Variants in CAMK4 observed in about 807,000 individuals in gnomAD.
CAMK4 encodes the protein calcium/calmodulin dependent protein kinase IV, also known as calcium/calmodulin-dependent protein kinase type IV.
A neutral mutation model predicts 44.9 loss-of-function variants in CAMK4; 22 were observed. The observed-to-expected ratio is 0.49, with a 90% CI of 0.35 to 0.70. The LOEUF is 0.70. CAMK4 is among the 30% of genes least tolerant of loss of function. CAMK4 has a pLI of 0.01. For synonymous variants in CAMK4, 218 were observed against 215.4 expected (o/e 1.01, Z -0.11); for missense variants, 498 against 586.8 (o/e 0.85, Z 1.56).
At chr5:111,243,524 GGT>G (rs1289771618) in intron 1 of CAMK4, among the ~76,000 whole-genome samples, 5 of 152,108 alleles carry the variant, frequency 3.3e-5, no homozygotes, top group Non-Finnish European at 7.3e-5. Flanking sequence ...TGTCACACAG[GGT>G]AGACTAAAAA....
chr5:111,432,964 A>G (rs181484540), intron 5 of CAMK4, among the ~76,000 whole-genome samples: 27 of 152,190 alleles, frequency 1.8e-4, no homozygotes, highest in African/African-American at 5.8e-4. Context: ...TTGATAGGCA[A>G]GCACACAAAT....
chr5:111,273,795 G>A lies in CAMK4; in HGVS notation c.161+49151G>A, dbSNP rs573669453. Among the ~76,000 whole-genome samples, 476 of 133,890 alleles carry A rather than the reference G, an allele frequency of 3.6e-3. 5 individuals are homozygous for A. Among genetic ancestry groups the A allele is most frequent in the African/African-American group, 0.012 (438 of 36,298 alleles). The allele number at this position is 133,890 out of a possible 152,430, so 87.8% of individuals were successfully genotyped here. On this transcript the variant is annotated intron_variant, in intron 1 of 10. Coordinates refer to ENST00000282356, the MANE Select transcript of CAMK4 (RefSeq NM_001744.6). The stretch of plus-strand genomic sequence containing the variant: ...TATATACACACACATACATATATAT[G>A]TATACACATAGAACATTTTATGTTT...
intron 2 of CAMK4, among the ~76,000 whole-genome samples, chr5:111,368,928 A>T (rs1750898722): frequency 6.6e-6 from 1 of 151,656 alleles, no homozygotes; most frequent in South Asian, 2.1e-4. Context: ...CATTTAAATT[A>T]TTTTTACTAG....
At chr5:111,462,576 G>A (rs1754681526) in intron 7 of CAMK4, among the ~76,000 whole-genome samples, 1 of 152,186 alleles carries the variant, frequency 6.6e-6, no homozygotes, top group Non-Finnish European at 1.5e-5. Flanking sequence ...CTAATAGTGT[G>A]AAAGCTCTTC....
At chr5:111,396,966 G>A (rs1275880614) in intron 5 of CAMK4, among the ~76,000 whole-genome samples, 1 of 152,054 alleles carries the variant, frequency 6.6e-6, no homozygotes, top group Non-Finnish European at 1.5e-5. Context: ...AAATATATAA[G>A]TCTAGAATCA....
chr5:111,362,859 A>C (rs1403779141), intron 2 of CAMK4, among the ~76,000 whole-genome samples: 1 of 152,102 alleles, frequency 6.6e-6, no homozygotes. Context: ...TTTTCTGCTT[A>C]CCAAGGATAT....
Position 111,396,631 on chromosome 5 carries a change from C to CTTTTTTTTTTTTTTTTTTTTTTTTTTTT in CAMK4, c.459+1876_459+1877insTTTTTTTTTTTTTTTTTTTTTTTTTTTT, listed in dbSNP as rs540495109. ...ACTTTAATTGCCATTAACTCATATT[C>CTTTTTTTTTTTTTTTTTTTTTTTTTTTT]TTTTTTTTTTTTTTTTTTTTTTTTT... On this transcript the variant is annotated intron_variant, in intron 5 of 10. Transcript: ENST00000282356. Among the ~76,000 whole-genome samples, 4 of 47,010 alleles carry CTTTTTTTTTTTTTTTTTTTTTTTTTTTT rather than the reference C, an allele frequency of 8.5e-5. 2 individuals are homozygous for CTTTTTTTTTTTTTTTTTTTTTTTTTTTT. Among genetic ancestry groups the CTTTTTTTTTTTTTTTTTTTTTTTTTTTT allele is most frequent in the African/African-American group, 1.7e-4 (2 of 11,436 alleles). 30.8% of individuals were successfully genotyped at this position (47,010 alleles called of 152,430 possible).
chr5:111,224,752 T>C lies in CAMK4; in HGVS notation c.161+108T>C. 4 of 1,050,384 alleles carry C rather than the reference T, an allele frequency of 3.8e-6. No homozygotes were observed. Among genetic ancestry groups the C allele is most frequent in the Non-Finnish European group, 4.1e-6 (3 of 732,350 alleles). The allele number at this position is 1,050,384 out of a possible 1,614,324, so 65.1% of individuals were successfully genotyped here. Reference sequence around the variant, plus strand: ...GAGCCTGCCTTCGTGCCCTTCGATTTCTCCCTACCTAGTTAGTGTCTTGAG... The same window carrying C: ...GAGCCTGCCTTCGTGCCCTTCGATTCCTCCCTACCTAGTTAGTGTCTTGAG... On this transcript the variant is annotated intron_variant, in intron 1 of 10. Transcript: ENST00000282356. This position sits in a 1 kb window ranked among gnomAD's most constrained non-coding sequence, Gnocchi z 5.7.
chr5:111,240,598 A>G (rs1195463583), intron 1 of CAMK4, among the ~76,000 whole-genome samples: 4 of 152,250 alleles, frequency 2.6e-5, no homozygotes, highest in Admixed American at 2.0e-4. Flanking sequence ...CCTTGAAGAA[A>G]GCTGTTAATG....
intron 1 of CAMK4, among the ~76,000 whole-genome samples, chr5:111,244,270 AT>A (rs906302732): frequency 4.0e-5 from 6 of 151,120 alleles, no homozygotes; most frequent in South Asian, 2.1e-4. Flanking sequence ...TTTGCTTACT[AT>A]TTTTTTTTGC....
rs577084227 is a variant in CAMK4 at position 111,389,200 on chromosome 5, A to G, written c.387-5510A>G. Among the ~76,000 whole-genome samples, 13 of 152,278 alleles carry G rather than the reference A, an allele frequency of 8.5e-5. No homozygotes were observed. In the South Asian group the frequency reaches 2.7e-3, roughly 32 times the overall value. ...GCTGTGTCTGCACATGGTGGAAGGGACAAAGAAGCTTTCTAGGGTGTCTTT... is the reference window on the plus strand; with the variant it reads ...GCTGTGTCTGCACATGGTGGAAGGGGCAAAGAAGCTTTCTAGGGTGTCTTT... On this transcript the variant is annotated intron_variant, in intron 4 of 10. Transcript: ENST00000282356.
intron 1 of CAMK4, among the ~76,000 whole-genome samples, chr5:111,254,993 T>C (rs1317845074): frequency 6.6e-6 from 1 of 151,670 alleles, no homozygotes; most frequent in African/African-American, 2.4e-5. Flanking sequence ...AGCTCATTGA[T>C]GAAAAAAGAA....
At chr5:111,367,104 A>G (rs951802032) in intron 2 of CAMK4, among the ~76,000 whole-genome samples, 2 of 150,906 alleles carry the variant, frequency 1.3e-5, no homozygotes, top group African/African-American at 4.9e-5. Flanking sequence ...CTGTCAATTT[A>G]GTTTACCTGG....
intron 5 of CAMK4, among the ~76,000 whole-genome samples, chr5:111,424,926 G>A (rs1753169086): frequency 6.6e-6 from 1 of 152,052 alleles, no homozygotes; most frequent in South Asian, 2.1e-4. Flanking sequence ...CACTTTGGGA[G>A]GCAGAGGTGG....
At chr5:111,254,031 A>G (rs1749631513) in intron 1 of CAMK4, among the ~76,000 whole-genome samples, 1 of 152,204 alleles carries the variant, frequency 6.6e-6, no homozygotes, top group Admixed American at 6.5e-5. Flanking sequence ...TGGTAAAACT[A>G]CCATAGTTTA....
At chr5:111,277,176 G>A (rs1370027557) in intron 1 of CAMK4, among the ~76,000 whole-genome samples, 1 of 152,178 alleles carries the variant, frequency 6.6e-6, no homozygotes, top group South Asian at 2.1e-4. Flanking sequence ...CAGACAGAAC[G>A]CATGAAGCTC....
rs566570558 is a variant in CAMK4, at chr5:111,268,037, C to T, written c.161+43393C>T. 2.0e-5 allele frequency among the ~76,000 whole-genome samples: 3 copies of T among 152,254 alleles called. No individual in the cohort carries two copies. In the East Asian group the frequency reaches 5.8e-4, roughly 29 times the overall value. On this transcript the variant is annotated intron_variant, in intron 1 of 10. Coordinates refer to ENST00000282356, the MANE Select transcript of CAMK4 (RefSeq NM_001744.6). Reference sequence around the variant, plus strand: ...TGAGAAGCCTATTGGGAGTTCCACTCAACAGGCAGATTGGCATCATTAGGC... The same window carrying T: ...TGAGAAGCCTATTGGGAGTTCCACTTAACAGGCAGATTGGCATCATTAGGC...
At position 111,261,814 on chromosome 5, in the gene CAMK4, A is replaced by C. The variant is rs139270383; in HGVS notation, c.161+37170A>C. Among the ~76,000 whole-genome samples, 686 of 152,184 alleles carry C rather than the reference A, an allele frequency of 4.5e-3. 5 individuals carry two copies. The highest frequency in any genetic ancestry group is 0.016 in the African/African-American group (647 of 41,530). On this transcript the variant is annotated intron_variant, in intron 1 of 10. Transcript: ENST00000282356. Reference sequence around the variant, plus strand: ...TACTGCTTCTCTCCCCTTGTGAACCAGTTTAGGCTCTCTGGGGCTGGGATA... The same window carrying C: ...TACTGCTTCTCTCCCCTTGTGAACCCGTTTAGGCTCTCTGGGGCTGGGATA...
intron 1 of CAMK4, among the ~76,000 whole-genome samples, chr5:111,331,343 A>G (rs1749161127): frequency 2.6e-5 from 4 of 151,748 alleles, no homozygotes; most frequent in Admixed American, 1.3e-4. Context: ...AGTACTCAAC[A>G]TCATTATTCG....
Sources: allele counts gnomAD v4.1 joint callset (sites outside exome capture counted in the v4.1 genomes callset), GRCh38; gene constraint gnomAD v4.1.1; non-coding constraint Gnocchi (gnomAD v3.1); transcripts MANE v1.5; gene names NCBI Gene and HGNC (gene_info 2026-07-23, HGNC 2026-07-21).